TMTC3: variants seen among roughly 807,000 people sequenced by gnomAD.
TMTC3 encodes transmembrane O-mannosyltransferase targeting cadherins 3, also known as protein O-mannosyl-transferase TMTC3.
TMTC3 carries 52 observed loss-of-function variants against 92.2 expected under a neutral mutation model. The observed-to-expected ratio is 0.56, with a 90% CI of 0.45 to 0.71. TMTC3 has a LOEUF of 0.71. Among genes scored for constraint, TMTC3 ranks in the 30% least tolerant of loss-of-function variants. The pLI is 0.00. For missense variants in TMTC3, 896 were observed against 1,057.1 expected, an observed-to-expected ratio of 0.85 and a Z score of 2.11; for synonymous variants, 339 against 363.3, an observed-to-expected ratio of 0.93 and a Z score of 0.76.
chr12:88,170,551 T>G (rs1191942678), intron 7 of TMTC3, among the ~76,000 whole-genome samples: 1 of 152,194 alleles, frequency 6.6e-6, no homozygotes, highest in Non-Finnish European at 1.5e-5. Context: ...GTGATTTTCC[T>G]CAGATTCAGT....
chr12:88,183,594 CT>C (rs2041342853), intron 10 of TMTC3, among the ~76,000 whole-genome samples: 1 of 152,096 alleles, frequency 6.6e-6, no homozygotes, highest in South Asian at 2.1e-4. Flanking sequence ...ACGGTTTCTC[CT>C]CCCTTCCCTT....
intron 5 of TMTC3, 144 bp downstream of exon 5, chr12:88,160,373 T>TCC: frequency 1.7e-6 from 1 of 576,424 alleles, no homozygotes; most frequent in South Asian, 3.4e-5. Context: ...TCATGTTTTA[T>TCC]CCTCATACCT....
At chr12:88,150,655 C>T (rs1310576452) in intron 2 of TMTC3, among the ~76,000 whole-genome samples, 3 of 152,094 alleles carry the variant, frequency 2.0e-5, no homozygotes, top group African/African-American at 7.2e-5. Context: ...CATATTCTCT[C>T]CCTGAAGGCA....
chr12:88,178,860 T>A (rs1299351622), intron 10 of TMTC3, among the ~76,000 whole-genome samples: 1 of 152,216 alleles, frequency 6.6e-6, no homozygotes. Flanking sequence ...AATTTCTGTC[T>A]CACAGTATTG....
Position 88,198,318 on chromosome 12 carries a change from G to A in TMTC3, c.*2669G>A, listed in dbSNP as rs2041539192. 2 of 397,844 alleles carry A rather than the reference G, an allele frequency of 5.0e-6. No individual in the cohort carries two copies. Among genetic ancestry groups the A allele is most frequent in the Admixed American group, 8.8e-5 (2 of 22,664 alleles). The allele number at this position is 397,844 out of a possible 1,614,324, so 24.6% of individuals were successfully genotyped here. A position where few individuals can be genotyped will look rare whatever the true frequency, so the allele number is the denominator to read the frequency against. The stretch of plus-strand genomic sequence containing the variant: ...TCTGATCATATGGAAGTTTGGAAAA[G>A]AGAGCTTATCACAGGTTTGTATGCT... On this transcript the variant is annotated 3_prime_UTR_variant, in exon 14 of 14. Transcript: ENST00000266712.
At chr12:88,182,734 C>T (rs574971017) in intron 10 of TMTC3, among the ~76,000 whole-genome samples, 2 of 152,216 alleles carry the variant, frequency 1.3e-5, no homozygotes, top group African/African-American at 4.8e-5. Context: ...TTCTTTTCTA[C>T]TTGGGAGCAA....
intron 7 of TMTC3, among the ~76,000 whole-genome samples, chr12:88,168,323 G>C (rs905849582): frequency 1.3e-5 from 2 of 152,176 alleles, no homozygotes; most frequent in African/African-American, 4.8e-5. Context: ...AAGAGAGCTA[G>C]TATAGACCTG....
In TMTC3 at chr12:88,176,207, G is replaced by T; in HGVS notation, c.1321-1G>T. 6.3e-7 allele frequency: 1 copy of T among 1,592,174 alleles called. No homozygotes were observed. The highest frequency in any genetic ancestry group is 1.1e-5 in the South Asian group (1 of 88,870). Reference sequence around the variant, plus strand: ...TTTTTCTATCTGTGCTTGTATTTAAGGTAAATAAAAATAATGCCAAACTTT... The same window carrying T: ...TTTTTCTATCTGTGCTTGTATTTAATGTAAATAAAAATAATGCCAAACTTT... On this transcript the variant is annotated splice_acceptor_variant, in intron 9 of 13. Transcript: ENST00000266712. LOFTEE classifies it high-confidence loss of function.
intron 8 of TMTC3, among the ~76,000 whole-genome samples, chr12:88,173,616 C>A (rs2041228732): frequency 6.6e-6 from 1 of 152,032 alleles, no homozygotes; most frequent in Non-Finnish European, 1.5e-5. Context: ...ACTTTTTTCA[C>A]ACCGCATGTG....
intron 4 of TMTC3, among the ~76,000 whole-genome samples, chr12:88,156,718 T>C (rs2041014592): frequency 6.6e-6 from 1 of 151,760 alleles, no homozygotes; most frequent in Non-Finnish European, 1.5e-5. Context: ...TTCCCACTCT[T>C]GTCTTCTGCC....
intron 10 of TMTC3, among the ~76,000 whole-genome samples, chr12:88,187,177 A>T (rs1800869423): frequency 6.7e-6 from 1 of 148,670 alleles, no homozygotes; most frequent in South Asian, 2.1e-4. Flanking sequence ...TAAAAAAAAA[A>T]AAAAAGATAT....
rs2041520970 is a variant in TMTC3 at position 88,197,016 on chromosome 12, A to C, written c.*1367A>C. The C allele has an allele frequency of 6.6e-6, 1 of 152,096 alleles. No homozygotes were observed. The highest frequency in any genetic ancestry group is 1.5e-5 in the Non-Finnish European group (1 of 67,754). The allele number at this position is 152,096 out of a possible 1,614,324, so 9.4% of individuals were successfully genotyped here. On this transcript the variant is annotated 3_prime_UTR_variant, in exon 14 of 14. Coordinates refer to ENST00000266712, the MANE Select transcript of TMTC3 (RefSeq NM_181783.4). ...TAAATGAGCTTTATAATACCTTAAA[A>C]AGTTGGTTCTAATTTAAAATATGAA...
chr12:88,177,974 G>T (rs939077636), intron 10 of TMTC3, among the ~76,000 whole-genome samples: 41 of 152,140 alleles, frequency 2.7e-4, no homozygotes, highest in African/African-American at 9.7e-4. Context: ...GGGAGCCAGG[G>T]TCTGTGATCC....
chr12:88,188,635 C>A (rs1279275451), intron 10 of TMTC3, among the ~76,000 whole-genome samples: 1 of 152,140 alleles, frequency 6.6e-6, no homozygotes, highest in Non-Finnish European at 1.5e-5. Flanking sequence ...TAAGTTATAA[C>A]AAGTTAAATT....
At chr12:88,156,427 A>G (rs375477067) in intron 4 of TMTC3, among the ~76,000 whole-genome samples, 10 of 152,240 alleles carry the variant, frequency 6.6e-5, no homozygotes, top group African/African-American at 2.2e-4. Flanking sequence ...TACTAGGCAC[A>G]CTCTCTGTTT....
intron 7 of TMTC3, 139 bp downstream of exon 7, chr12:88,166,721 G>A: frequency 1.0e-6 from 1 of 958,524 alleles, no homozygotes; most frequent in Non-Finnish European, 1.5e-6. Context: ...AAACGTATTT[G>A]AGTTTATCCC....
chr12:88,194,904 A>G lies in TMTC3; in HGVS notation c.2000A>G (p.Asp667Gly). The G allele has an allele frequency of 6.2e-7, 1 of 1,613,654 alleles. No homozygotes were observed. ...AGTTATATAAATGAAGAGCCACTAG[A>G]TGCTAATGGGTATTTCAATTTGGGA... is the stretch of plus-strand genomic sequence containing the variant. ...LLSYINEEPL[D>G]ANGYFNLGML... The change falls in exon 14 of 14, where the codon GAT becomes GGT. Residue 667 changes from aspartate to glycine, a missense_variant. By Grantham distance (94) the Asp-to-Gly change is moderately conservative. Transcript: ENST00000266712.
At chr12:88,168,648 G>A (rs1425048024) in intron 7 of TMTC3, among the ~76,000 whole-genome samples, 1 of 152,202 alleles carries the variant, frequency 6.6e-6, no homozygotes. Context: ...AAGCTGAAAT[G>A]TTGATTGGTT....
At chr12:88,174,836 A>G (rs2041242361) in intron 9 of TMTC3, 109 bp downstream of exon 9, 14 of 1,334,658 alleles carry the variant, frequency 1.0e-5, no homozygotes, top group Non-Finnish European at 1.5e-5. Flanking sequence ...AGTCAATATT[A>G]AGTACTTTAC....
Sources: gnomAD v4.1 joint callset for allele counts (sites outside exome capture counted in the v4.1 genomes callset) on GRCh38, gnomAD v4.1.1 for gene constraint, MANE v1.5 for transcripts, NCBI Gene and HGNC (gene_info 2026-07-23, HGNC 2026-07-21) for gene names.